The following CACNA1I variants were observed in gnomAD, a reference collection of about 807,000 sequenced individuals.
The protein encoded by CACNA1I is calcium voltage-gated channel subunit alpha1 I, also known as voltage-dependent T-type calcium channel subunit alpha-1I.
Under a neutral mutation model 201.6 loss-of-function variants are expected in CACNA1I, and 74 were observed. That is an observed-to-expected ratio of 0.37 (90% CI 0.30 to 0.45). The LOEUF is 0.45. CACNA1I is among the 20% of genes least tolerant of loss of function. The pLI is 1.00. For missense variants in CACNA1I, 2,346 were observed against 3,138.1 expected (o/e 0.75, Z 6.03); for synonymous variants, 1,431 against 1,345.2 (o/e 1.06, Z -1.40).
chr22:39,591,532 G>A (rs933115094), intron 1 of CACNA1I, among the ~76,000 whole-genome samples: 2 of 151,932 alleles, frequency 1.3e-5, no homozygotes, highest in Non-Finnish European at 2.9e-5. Flanking sequence ...CTATCACAGG[G>A]GCTGTACTAG....
At chr22:39,679,513 G>T in intron 32 of CACNA1I, 68 bp downstream of exon 32, 1 of 1,188,554 alleles carries the variant, frequency 8.4e-7, no homozygotes, top group Non-Finnish European at 1.1e-6. Context: ...ATGGGCAGCA[G>T]GGCCAGGGAG....
At chr22:39,654,926 G>A (rs1300847015) in intron 10 of CACNA1I, among the ~76,000 whole-genome samples, 3 of 152,130 alleles carry the variant, frequency 2.0e-5, no homozygotes, top group East Asian at 1.9e-4. Context: ...TGGGGAGCCC[G>A]GAAAGGCTTG....
intron 3 of CACNA1I, among the ~76,000 whole-genome samples, chr22:39,614,881 C>T (rs7290092): frequency 0.011 from 1,739 of 152,336 alleles, 37 homozygotes; most frequent in African/African-American, 0.04. Context: ...TGGAAGTGCT[C>T]TCTTTAAAGC....
At chr22:39,651,130 C>T (rs979465608) in intron 10 of CACNA1I, among the ~76,000 whole-genome samples, 2 of 152,188 alleles carry the variant, frequency 1.3e-5, no homozygotes, top group Non-Finnish European at 2.9e-5. Flanking sequence ...AGCTGGTGAC[C>T]CTGAGGTCCA....
rs1341101512 is a variant in CACNA1I at position 39,687,292 on chromosome 22, G to A, written c.*887G>A. ...AGCAGGAGTGGAGGCAGCCTGCAGA[G>A]GAAGGGTGCGGGAGACTGAGCCGGC... On this transcript the variant is annotated 3_prime_UTR_variant, in exon 37 of 37. Coordinates refer to ENST00000402142, the MANE Select transcript of CACNA1I (RefSeq NM_021096.4). 3.9e-5 allele frequency: 6 copies of A among 152,480 alleles called. No homozygotes were observed. 9.4% of individuals were successfully genotyped at this position (152,480 alleles called of 1,614,324 possible). A position where few individuals can be genotyped will look rare whatever the true frequency, so the allele number is the denominator to read the frequency against.
chr22:39,640,214 C>A (rs1023528791), intron 5 of CACNA1I, among the ~76,000 whole-genome samples: 8 of 152,006 alleles, frequency 5.3e-5, no homozygotes, highest in African/African-American at 1.7e-4. Flanking sequence ...TATGGTGAAA[C>A]CCCATCTCTA....
chr22:39,665,491 C>A lies in CACNA1I; in HGVS notation c.3852-7C>A. 1.9e-6 allele frequency: 3 copies of A among 1,613,422 alleles called. No individual in the cohort carries two copies. The highest frequency in any genetic ancestry group is 2.5e-6 in the Non-Finnish European group (3 of 1,179,694). Reference sequence around the variant, plus strand: ...ATTATGTGTGCCTGGCCTCTCCCTGCCGTCAGTGTCATCAGCCGGGCGCCG... The same window carrying A: ...ATTATGTGTGCCTGGCCTCTCCCTGACGTCAGTGTCATCAGCCGGGCGCCG... On this transcript the variant is annotated splice_polypyrimidine_tract_variant and splice_region_variant and intron_variant, in intron 21 of 36. Transcript: ENST00000402142. The surrounding 1 kb of genome is among the most constrained non-coding windows in gnomAD (Gnocchi z 5.5).
intron 4 of CACNA1I, 75 bp downstream of exon 4, chr22:39,619,482 C>A: frequency 9.3e-7 from 1 of 1,074,914 alleles, no homozygotes; most frequent in South Asian, 1.3e-5. Context: ...CCTACCTAGC[C>A]AATGCCCACC....
chr22:39,647,752 G>T, intron 8 of CACNA1I, 70 bp from the exon 9 acceptor site: 1 of 1,100,822 alleles, frequency 9.1e-7, no homozygotes, highest in Non-Finnish European at 1.4e-6. Flanking sequence ...CTGCCCTGTT[G>T]GTTGCCTCAT....
intron 1 of CACNA1I, among the ~76,000 whole-genome samples, chr22:39,579,636 C>T (rs1455428048): frequency 1.5e-5 from 2 of 133,442 alleles, no homozygotes; most frequent in African/African-American, 6.2e-5. Context: ...TGGTGCAAGG[C>T]TCTTTCAAGC....
intron 1 of CACNA1I, among the ~76,000 whole-genome samples, chr22:39,583,181 CATCCATCT>C (rs1932630955): frequency 6.7e-6 from 1 of 149,462 alleles, no homozygotes; most frequent in Non-Finnish European, 1.5e-5. Flanking sequence ...TCTCTCCATC[CATCCATCT>C]ATCCAACAAT....
Position 39,684,423 on chromosome 22 carries a change from C to G in CACNA1I, c.5952C>G (p.Thr1984=), listed in dbSNP as rs773629221. 2 of 1,613,640 alleles carry G rather than the reference C, an allele frequency of 1.2e-6. No individual in the cohort carries two copies. Among genetic ancestry groups the G allele is most frequent in the East Asian group, 4.5e-5 (2 of 44,880 alleles). ...CAGAAAAGGGCACTGGCACTGGAAC[C>G]CTCCCCAAGATTGCGCTGCAGGGCT... ...KGPEKGTGTG[T]LPKIALQGSW... The change falls in exon 36 of 37, where the codon ACC becomes ACG. Residue 1984 remains threonine (T), a synonymous_variant. Transcript: ENST00000402142. This position sits in a 1 kb window ranked among gnomAD's most constrained non-coding sequence, Gnocchi z 4.6.
At chr22:39,577,981 G>A (rs73169353) in intron 1 of CACNA1I, among the ~76,000 whole-genome samples, 1 of 152,258 alleles carries the variant, frequency 6.6e-6, no homozygotes, top group Non-Finnish European at 1.5e-5. Flanking sequence ...GAATTCTGGG[G>A]CAAGCATGGA....
chr22:39,618,766 C>T (rs1457285175), intron 3 of CACNA1I, among the ~76,000 whole-genome samples: 4 of 152,008 alleles, frequency 2.6e-5, no homozygotes, highest in Non-Finnish European at 5.9e-5. Flanking sequence ...AGGCCGGGCC[C>T]ATCTCCCAGT....
At chr22:39,610,718 C>G (rs1013798930) in intron 3 of CACNA1I, among the ~76,000 whole-genome samples, 4 of 152,162 alleles carry the variant, frequency 2.6e-5, no homozygotes, top group Non-Finnish European at 5.9e-5. Flanking sequence ...AAAGATGTCT[C>G]TAGATGGTGT....
chr22:39,571,195 A>G (rs969180591), intron 1 of CACNA1I: 2 of 597,058 alleles, frequency 3.3e-6, no homozygotes, highest in Non-Finnish European at 6.0e-6. Context: ...GCTGATGTGA[A>G]GGTTCTGGAA....
intron 23 of CACNA1I, among the ~76,000 whole-genome samples, chr22:39,667,346 T>G (rs1935228959): frequency 6.6e-6 from 1 of 152,168 alleles, no homozygotes; most frequent in Admixed American, 6.5e-5. Flanking sequence ...GAGGGGCCAG[T>G]GCAGGGCCAG....
intron 2 of CACNA1I, 120 bp downstream of exon 2, chr22:39,598,382 G>A (rs563727625): frequency 2.7e-5 from 15 of 565,794 alleles, no homozygotes; most frequent in Non-Finnish European, 4.4e-5. Context: ...TCCATGCCCC[G>A]CCCCGCTCCG....
At chr22:39,647,552 C>G (rs560425492) in intron 8 of CACNA1I, among the ~76,000 whole-genome samples, 1 of 152,330 alleles carries the variant, frequency 6.6e-6, no homozygotes, top group East Asian at 1.9e-4. Context: ...GCTGGGACTA[C>G]AGGCATGCAC....
Sources: allele counts gnomAD v4.1 joint callset (sites outside exome capture counted in the v4.1 genomes callset), GRCh38; gene constraint gnomAD v4.1.1; non-coding constraint Gnocchi (gnomAD v3.1); transcripts MANE v1.5; gene names NCBI Gene and HGNC (gene_info 2026-07-23, HGNC 2026-07-21).